Variants in CFAP20 observed in about 807,000 individuals in gnomAD.
The protein encoded by CFAP20 is cilia and flagella associated protein 20.
A neutral mutation model predicts 25.5 loss-of-function variants in CFAP20; 14 were observed. The ratio of observed to expected loss-of-function variants is 0.55; its 90% CI spans 0.36 to 0.86. The LOEUF is 0.86. Among genes scored for constraint, CFAP20 ranks in the 40% least tolerant of loss-of-function variants. The probability of loss-of-function intolerance (pLI) is 0.01; values close to 1 mark genes in which losing one functional copy is unlikely to be tolerated. For missense variants in CFAP20, 181 were observed against 248.0 expected (o/e 0.73, Z 1.81); for synonymous variants, 75 against 91.1 (o/e 0.82, Z 1.01).
At chr16:58,116,452 C>T (rs1960459130) in intron 2 of CFAP20, 1 of 323,898 alleles carries the variant, frequency 3.1e-6, no homozygotes, top group African/African-American at 2.1e-5. Context: ...CCAGGGGAGC[C>T]ATCGAATGAC....
intron 3 of CFAP20, chr16:58,115,738 T>C (rs1387498952): frequency 3.7e-6 from 2 of 534,748 alleles, no homozygotes; most frequent in Non-Finnish European, 6.7e-6. Flanking sequence ...TTTTGAAAAA[T>C]CAGAAATACT....
At position 58,116,070 on chromosome 16, in the gene CFAP20, G is replaced by C. The variant is rs1289473219; in HGVS notation, c.247C>G (p.Leu83Val). The C allele has an allele frequency of 2.5e-6, 4 of 1,612,890 alleles. No homozygotes were observed. In the East Asian group the frequency reaches 6.7e-5, roughly 27 times the overall value. ...ACTTCGAAGGTAAAATACTTCTTCA[G>C]GTTTTTGATAATCATGACAAGGAAA... ...LPFLVMIIKN[L>V]KKYFTFEVQV... The change falls in exon 3 of 6, where the codon CTG becomes GTG. Residue 83 changes from leucine (L) to valine (V), a missense_variant. Coordinates refer to ENST00000262498, the MANE Select transcript of CFAP20 (RefSeq NM_013242.3).
At position 58,129,248 on chromosome 16, in the gene CFAP20, C is replaced by T; in HGVS notation, c.-133G>A. Reference sequence around the variant, plus strand: ...GAAGGGTGGTTGAGCTCCTGGCCTCCGGATCTGCAGCCACTGATGGCCGGA... The same window carrying T: ...GAAGGGTGGTTGAGCTCCTGGCCTCTGGATCTGCAGCCACTGATGGCCGGA... On this transcript the variant is annotated 5_prime_UTR_variant, in exon 1 of 6. Transcript: ENST00000262498. 1 of 907,038 alleles carries T rather than the reference C, an allele frequency of 1.1e-6. No individual in the cohort carries two copies. The highest frequency in any genetic ancestry group is 1.7e-6 in the Non-Finnish European group (1 of 599,206). The allele number at this position is 907,038 out of a possible 1,614,324, so 56.2% of individuals were successfully genotyped here. A position where few individuals can be genotyped will look rare whatever the true frequency, so the allele number is the denominator to read the frequency against.
At chr16:58,124,376 C>T (rs1182943718) in intron 1 of CFAP20, among the ~76,000 whole-genome samples, 1 of 152,210 alleles carries the variant, frequency 6.6e-6, no homozygotes, top group African/African-American at 2.4e-5. Context: ...TTATAAAGTA[C>T]TAACTACAGT....
chr16:58,129,177 G>A lies in CFAP20; in HGVS notation c.-62C>T, dbSNP rs1171518845. The A allele has an allele frequency of 1.9e-6, 3 of 1,569,640 alleles. No homozygotes were observed. The highest frequency in any genetic ancestry group is 2.7e-5 in the African/African-American group (2 of 73,866). On this transcript the variant is annotated 5_prime_UTR_variant, in exon 1 of 6. Transcript: ENST00000262498. The stretch of plus-strand genomic sequence containing the variant: ...CGACCTAGGCCCCGGAGTAGATACA[G>A]GCACCGAGCGTCGAGGGCACAGCAG...
chr16:58,116,513 C>A, intron 2 of CFAP20: 1 of 351,164 alleles, frequency 2.8e-6, no homozygotes, highest in Non-Finnish European at 5.2e-6. Flanking sequence ...ACTGTCCACC[C>A]ACTGGATGAG....
Position 58,114,860 on chromosome 16 carries a change from C to A in CFAP20, c.526G>T (p.Glu176Ter). ...YFSDRLYSED[E>*]LPAEFKLYLP... is the part of the protein sequence containing the mutation. ...TACAGTTTGAACTCTGCCGGCAGCT[C>A]ATCTTCTGAGTAGAGTCTGTCTGAG... Residue 176 changes from glutamate (E) to a stop codon, truncating the protein, a stop_gained, in exon 5 of 6, where the codon GAG becomes TAG. Coordinates refer to ENST00000262498, the MANE Select transcript of CFAP20 (RefSeq NM_013242.3). LOFTEE classifies it high-confidence loss of function. 6.2e-7 allele frequency: 1 copy of A among 1,614,148 alleles called. No individual in the cohort carries two copies. Among genetic ancestry groups the A allele is most frequent in the South Asian group, 1.1e-5 (1 of 91,086 alleles).
chr16:58,123,422 C>G (rs1346275419), intron 1 of CFAP20, among the ~76,000 whole-genome samples: 1 of 148,742 alleles, frequency 6.7e-6, no homozygotes, highest in Admixed American at 6.7e-5. Flanking sequence ...CGGTGAAAAC[C>G]TATCTTTACT....
chr16:58,114,380 G>A (rs985021078), intron 5 of CFAP20, among the ~76,000 whole-genome samples: 11 of 152,144 alleles, frequency 7.2e-5, no homozygotes, highest in Admixed American at 1.3e-4. Context: ...TTAAAAATTA[G>A]TTGGGCATGG....
intron 1 of CFAP20, among the ~76,000 whole-genome samples, chr16:58,128,556 C>T (rs1232214117): frequency 6.6e-6 from 1 of 152,202 alleles, no homozygotes; most frequent in African/African-American, 2.4e-5. Flanking sequence ...TGTCTAGTGC[C>T]CAGCACCGTG....
At position 58,114,489 on chromosome 16, in the gene CFAP20, G is replaced by A. The variant is rs369960397; in HGVS notation, c.576+321C>T. On this transcript the variant is annotated intron_variant, in intron 5 of 5. Transcript: ENST00000262498. Reference sequence around the variant, plus strand: ...TGCAGTGAGCTGAGATCGTGCCACTGCACTCTAGCCTGGGCAACAGGGCAA... The same window carrying A: ...TGCAGTGAGCTGAGATCGTGCCACTACACTCTAGCCTGGGCAACAGGGCAA... Among the ~76,000 whole-genome samples, 18 of 151,280 alleles carry A rather than the reference G, an allele frequency of 1.2e-4. No individual in the cohort carries two copies. In the South Asian group the frequency reaches 2.7e-3, roughly 23 times the overall value.
chr16:58,123,003 GT>G (rs943854185), intron 1 of CFAP20, among the ~76,000 whole-genome samples: 1 of 151,494 alleles, frequency 6.6e-6, no homozygotes. Context: ...ATACTATCTT[GT>G]TTTTTTTGAG....
intron 1 of CFAP20, chr16:58,119,072 T>A (rs2142366345): frequency 6.6e-6 from 1 of 152,310 alleles, no homozygotes; most frequent in Admixed American, 6.5e-5. Context: ...GATAAATCAG[T>A]GTTGGGTCTG....
At chr16:58,127,287 T>C (rs1025692022) in intron 1 of CFAP20, among the ~76,000 whole-genome samples, 2 of 152,228 alleles carry the variant, frequency 1.3e-5, no homozygotes, top group African/African-American at 4.8e-5. Flanking sequence ...GATACAAGTT[T>C]CGTAACAGAA....
intron 1 of CFAP20, among the ~76,000 whole-genome samples, chr16:58,127,034 T>G (rs1960624053): frequency 6.6e-6 from 1 of 152,222 alleles, no homozygotes; most frequent in African/African-American, 2.4e-5. Context: ...TCTAAAGGTT[T>G]TGCCAAAATG....
chr16:58,117,158 A>C, intron 1 of CFAP20: 2 of 549,266 alleles, frequency 3.6e-6, no homozygotes, highest in Non-Finnish European at 3.2e-6. Context: ...CAATCCCTAA[A>C]TCTGGGGAAA....
rs544259524 is a variant in CFAP20 at position 58,119,158 on chromosome 16, CTG to C, written c.85-2209_85-2208del. On this transcript the variant is annotated intron_variant, in intron 1 of 5. Coordinates refer to ENST00000262498, the MANE Select transcript of CFAP20 (RefSeq NM_013242.3). ...ACATTAGTCTCTGTGAGCTCTGTCA[CTG>C]TGAGTCTGATCCACTCATGGTCTGC... 8.5e-5 allele frequency: 13 copies of C among 152,344 alleles called. No homozygotes were observed. The South Asian group carries it at 2.3e-3, about 27-fold the overall frequency. The allele number at this position is 152,344 out of a possible 1,614,324, so 9.4% of individuals were successfully genotyped here.
In CFAP20 at chr16:58,116,970, G is replaced by A. The variant is rs199717197; in HGVS notation, c.85-19C>T. The A allele has an allele frequency of 2.5e-6, 4 of 1,605,652 alleles. No homozygotes were observed. Among genetic ancestry groups the A allele is most frequent in the Non-Finnish European group, 3.4e-6 (4 of 1,172,400 alleles). On this transcript the variant is annotated intron_variant, in intron 1 of 5. Transcript: ENST00000262498. ...TCCGTACCTACAAGAAAGAAAATTC[G>A]ATTAGTACTGAAATATCTGACAAGG...
chr16:58,122,100 G>C lies in CFAP20; in HGVS notation c.85-5149C>G, dbSNP rs755484573. 2.0e-5 allele frequency among the ~76,000 whole-genome samples: 3 copies of C among 152,292 alleles called. 1 individual carries two copies. The Middle Eastern group carries it at 0.01, about 518-fold the overall frequency. On this transcript the variant is annotated intron_variant, in intron 1 of 5. Coordinates refer to ENST00000262498, the MANE Select transcript of CFAP20 (RefSeq NM_013242.3). ...AAATTAGGCAGAGGGAGACCCCTGT[G>C]GGGAGAACTGAGCATAGCTCCGACT... is the stretch of plus-strand genomic sequence containing the variant.
Sources: allele counts gnomAD v4.1 joint callset (sites outside exome capture counted in the v4.1 genomes callset), GRCh38; gene constraint gnomAD v4.1.1; transcripts MANE v1.5; gene names NCBI Gene and HGNC (gene_info 2026-07-23, HGNC 2026-07-21).